The following ACBD5 variants were observed in gnomAD, a reference collection of about 807,000 sequenced individuals.
ACBD5 encodes acyl-CoA binding domain containing 5, also known as acyl-CoA-binding domain-containing protein 5.
A neutral mutation model predicts 71.8 loss-of-function variants in ACBD5; 40 were observed. The observed-to-expected ratio is 0.56, with a 90% CI of 0.43 to 0.72. The LOEUF is 0.72. Among genes scored for constraint, ACBD5 ranks in the 30% least tolerant of loss-of-function variants. The pLI is 0.00. For synonymous variants in ACBD5, 229 were observed against 218.6 expected, an observed-to-expected ratio of 1.05 and a Z score of -0.42; for missense variants, 559 against 644.5, an observed-to-expected ratio of 0.87 and a Z score of 1.44.
intron 6 of ACBD5, among the ~76,000 whole-genome samples, chr10:27,218,968 T>C (rs2061991340): frequency 6.6e-6 from 1 of 152,156 alleles, no homozygotes; most frequent in Admixed American, 6.6e-5. Context: ...GGGCCCTCAA[T>C]GCTCTAAGCC....
chr10:27,223,476 T>G (rs756707496), intron 4 of ACBD5, 24 bp from the exon 5 acceptor site: 1 of 1,540,990 alleles, frequency 6.5e-7, no homozygotes, highest in South Asian at 1.1e-5. Context: ...AAACAAATAT[T>G]GTGAAATCAC....
chr10:27,218,213 A>C, intron 6 of ACBD5, 30 bp from the exon 7 acceptor site: 1 of 1,565,938 alleles, frequency 6.4e-7, no homozygotes, highest in East Asian at 2.2e-5. Flanking sequence ...AAGATTCATA[A>C]AAGTTCACAG....
At chr10:27,216,074 A>C (rs2061591794) in intron 7 of ACBD5, among the ~76,000 whole-genome samples, 1 of 151,898 alleles carries the variant, frequency 6.6e-6, no homozygotes, top group Admixed American at 6.6e-5. Flanking sequence ...GGGTTTCTCC[A>C]TATTGGTGCG....
chr10:27,219,109 C>A (rs1215513605), intron 6 of ACBD5, among the ~76,000 whole-genome samples: 1 of 152,020 alleles, frequency 6.6e-6, no homozygotes, highest in African/African-American at 2.4e-5. Flanking sequence ...CAAGACCAGC[C>A]TGGTCAACAT....
chr10:27,234,433 G>A (rs1029253952), intron 3 of ACBD5, among the ~76,000 whole-genome samples: 4 of 148,154 alleles, frequency 2.7e-5, no homozygotes, highest in Non-Finnish European at 6.0e-5. Context: ...TTTCTTGCAG[G>A]CAAAAGAGGC....
At chr10:27,184,903 CAAT>C (rs1375768878) in intron 13 of ACBD5, among the ~76,000 whole-genome samples, 1 of 152,014 alleles carries the variant, frequency 6.6e-6, no homozygotes, top group Admixed American at 6.6e-5. Flanking sequence ...GAAATAGGAA[CAAT>C]GACAGGTAAT....
intron 10 of ACBD5, among the ~76,000 whole-genome samples, chr10:27,207,105 G>A (rs1404491824): frequency 1.3e-5 from 2 of 151,500 alleles, no homozygotes; most frequent in Admixed American, 6.6e-5. Context: ...GTGAAGCCCC[G>A]TCTCTACTAA....
chr10:27,208,254 C>T lies in ACBD5; in HGVS notation c.1396G>A (p.Ala466Thr). 1 of 1,614,134 alleles carries T rather than the reference C, an allele frequency of 6.2e-7. No homozygotes were observed. Among genetic ancestry groups the T allele is most frequent in the Non-Finnish European group, 8.5e-7 (1 of 1,179,996 alleles). ...TACATTTGGAAGTTTACCTGCAAAG[C>T]AGTCAGCGTTTCCAGTTTCTGCAGT... The part of the protein sequence containing the change: ...QRLQKLETLT[A>T]LQAKSSTSTL... The change falls in exon 10 of 13, where the codon GCT becomes ACT. Residue 466 changes from alanine to threonine, a missense_variant. By Grantham distance (58) the Ala-to-Thr change is moderately conservative. Coordinates refer to ENST00000396271, the MANE Select transcript of ACBD5 (RefSeq NM_145698.5).
At chr10:27,229,224 G>A (rs1230584346) in intron 4 of ACBD5, among the ~76,000 whole-genome samples, 3 of 151,992 alleles carry the variant, frequency 2.0e-5, no homozygotes, top group African/African-American at 7.3e-5. Flanking sequence ...ATAAAATATA[G>A]TTAAATTAAT....
chr10:27,192,669 A>G (rs1447506427), downstream of ACBD5, among the ~76,000 whole-genome samples: 7 of 152,152 alleles, frequency 4.6e-5, no homozygotes, highest in Non-Finnish European at 1.0e-4. Flanking sequence ...GATTTTATGT[A>G]GGTATAAAAA....
Position 27,240,755 on chromosome 10 carries a change from C to T in ACBD5, c.-67G>A, listed in dbSNP as rs760305051. 4.5e-6 allele frequency: 7 copies of T among 1,549,310 alleles called. No individual in the cohort carries two copies. The Admixed American group carries it at 5.9e-5, about 13-fold the overall frequency. On this transcript the variant is annotated 5_prime_UTR_variant, in exon 1 of 13. Transcript: ENST00000396271. This position sits in a 1 kb window ranked among gnomAD's most constrained non-coding sequence, Gnocchi z 4.1. Reference sequence around the variant, plus strand: ...GGAGCCGCTCTCCCACCCTGGGGACCCTGGCGGAGCAGCCACACCCCCCAT... The same window carrying T: ...GGAGCCGCTCTCCCACCCTGGGGACTCTGGCGGAGCAGCCACACCCCCCAT...
At chr10:27,207,047 G>A (rs979952790) in intron 10 of ACBD5, among the ~76,000 whole-genome samples, 3 of 151,810 alleles carry the variant, frequency 2.0e-5, no homozygotes, top group African/African-American at 4.8e-5. Flanking sequence ...GGAGGCTGAG[G>A]CGGGTGGATC....
chr10:27,190,441 G>A (rs189393366), downstream of ACBD5, among the ~76,000 whole-genome samples: 1 of 152,152 alleles, frequency 6.6e-6, no homozygotes, highest in African/African-American at 2.4e-5. Flanking sequence ...TTAATAAAAT[G>A]ATAATTATTT....
Position 27,226,024 on chromosome 10 carries a change from T to G in ACBD5, c.376-2572A>C, listed in dbSNP as rs1183817542. Among the ~76,000 whole-genome samples the G allele has an allele frequency of 2.6e-5, 4 of 152,238 alleles. No homozygotes were observed. The East Asian group carries it at 7.7e-4, about 29-fold the overall frequency. The stretch of plus-strand genomic sequence containing the variant: ...GTCTCAGAACGAAATAAAAGGAGTA[T>G]CCATTGGCAGTAAGCAAATATTAAC... On this transcript the variant is annotated intron_variant, in intron 4 of 12. Coordinates refer to ENST00000396271, the MANE Select transcript of ACBD5 (RefSeq NM_145698.5).
chr10:27,202,909 GGAGGAAT>G (rs1210392547), intron 12 of ACBD5, among the ~76,000 whole-genome samples: 1 of 150,346 alleles, frequency 6.7e-6, no homozygotes, highest in Non-Finnish European at 1.5e-5. Flanking sequence ...AACCATCATA[GGAGGAAT>G]TGAAAATGTA....
chr10:27,219,680 G>A lies in ACBD5; in HGVS notation c.625+43C>T, dbSNP rs1168201862. 3.1e-6 allele frequency: 5 copies of A among 1,610,364 alleles called. No individual in the cohort carries two copies. In the South Asian group the frequency reaches 5.5e-5, roughly 18 times the overall value. ...GCCCAAATGTCTTCATACCCTCTTA[G>A]TTTATTTATTGCAAAATTACTAACT... On this transcript the variant is annotated intron_variant, in intron 6 of 12. Transcript: ENST00000396271.
rs1391855028 is a variant in ACBD5 at position 27,195,284 on chromosome 10, AT to A, written c.*2145del. ...CAGAAAAGAAGTTATCATTAAAAAA[AT>A]ACCATAGCTGTCAAGTTTAAATGAG... On this transcript the variant is annotated 3_prime_UTR_variant, in exon 13 of 13. Coordinates refer to ENST00000396271, the MANE Select transcript of ACBD5 (RefSeq NM_145698.5). 2 of 432,784 alleles carry A rather than the reference AT, an allele frequency of 4.6e-6. No homozygotes were observed. Among genetic ancestry groups the A allele is most frequent in the African/African-American group, 2.1e-5 (1 of 48,646 alleles). The allele number at this position is 432,784 out of a possible 1,614,324, so 26.8% of individuals were successfully genotyped here.
intron 13 of ACBD5, chr10:27,186,484 T>C (rs1237898076): frequency 6.2e-7 from 1 of 1,614,144 alleles, no homozygotes; most frequent in African/African-American, 1.3e-5. Flanking sequence ...ACCTCCTATT[T>C]TGAAGCCAGG....
chr10:27,228,487 G>A (rs1183573115), intron 4 of ACBD5, among the ~76,000 whole-genome samples: 1 of 151,812 alleles, frequency 6.6e-6, no homozygotes, highest in African/African-American at 2.4e-5. Flanking sequence ...TGAGGCAGGA[G>A]AATGGTGTGA....
Sources: gnomAD v4.1 joint callset for allele counts (sites outside exome capture counted in the v4.1 genomes callset) on GRCh38, gnomAD v4.1.1 for gene constraint, Gnocchi (gnomAD v3.1) non-coding constraint, MANE v1.5 for transcripts, NCBI Gene and HGNC (gene_info 2026-07-23, HGNC 2026-07-21) for gene names.